TNS1: variants seen among roughly 807,000 people sequenced by gnomAD.
TNS1 encodes the protein tensin-1.
In TNS1, 62 loss-of-function variants were observed where a neutral mutation model predicts 168.6. The ratio of observed to expected loss-of-function variants is 0.37; its 90% CI spans 0.30 to 0.45. The LOEUF (loss-of-function observed/expected upper bound fraction) is 0.45. Ranked by LOEUF, TNS1 falls within the 20% of genes least tolerant of loss-of-function variation. The pLI is 1.00. For synonymous variants in TNS1, 934 were observed against 933.2 expected (o/e 1.00, Z -0.02); for missense variants, 2,240 against 2,339.4 (o/e 0.96, Z 0.88).
chr2:217,852,417 T>A (rs1423620404), intron 18 of TNS1, among the ~76,000 whole-genome samples: 1 of 152,198 alleles, frequency 6.6e-6, no homozygotes, highest in Non-Finnish European at 1.5e-5. Context: ...TTGTGCCTCC[T>A]CATCCCCCAC....
chr2:218,016,136 C>T (rs952849819), intron 1 of TNS1, among the ~76,000 whole-genome samples: 1 of 152,164 alleles, frequency 6.6e-6, no homozygotes, highest in Non-Finnish European at 1.5e-5. Flanking sequence ...ACCCCCACCC[C>T]CAGCCGCTCC....
At chr2:218,016,887 G>A (rs888767707) in intron 1 of TNS1, among the ~76,000 whole-genome samples, 2 of 152,186 alleles carry the variant, frequency 1.3e-5, no homozygotes, top group African/African-American at 4.8e-5. Context: ...AGGCTCCTGA[G>A]CATCCATAAA....
intron 19 of TNS1, 32 bp downstream of exon 19, chr2:217,847,478 G>T: frequency 7.2e-7 from 1 of 1,398,396 alleles, no homozygotes; most frequent in Non-Finnish European, 9.4e-7. Flanking sequence ...ATAAGGAAGG[G>T]GTAGAAGGAG....
intron 1 of TNS1, among the ~76,000 whole-genome samples, chr2:218,002,239 G>A (rs954935980): frequency 6.6e-5 from 10 of 152,286 alleles, no homozygotes; most frequent in African/African-American, 9.6e-5. Flanking sequence ...GGGGAAGAGC[G>A]GGCCATGGCT....
In TNS1 at chr2:217,995,008, A is replaced by G. The variant is rs1488209452; in HGVS notation, c.34-3952T>C. On this transcript the variant is annotated intron_variant, in intron 1 of 32. Transcript: ENST00000682258. The surrounding 1 kb of genome is among the most constrained non-coding windows in gnomAD (Gnocchi z 4.1). Reference sequence around the variant, plus strand: ...AGTTTGGACCAGACAGTCTGAGTGTAGAGAGAGGGGGAAATGACACAACAT... The same window carrying G: ...AGTTTGGACCAGACAGTCTGAGTGTGGAGAGAGGGGGAAATGACACAACAT... 6.6e-6 allele frequency among the ~76,000 whole-genome samples: 1 copy of G among 152,206 alleles called. No homozygotes were observed. Among genetic ancestry groups the G allele is most frequent in the Non-Finnish European group, 1.5e-5 (1 of 68,012 alleles).
At chr2:217,992,254 C>G (rs1018029098) in intron 1 of TNS1, 5 of 152,848 alleles carry the variant, frequency 3.3e-5, no homozygotes, top group African/African-American at 1.2e-4. Flanking sequence ...CAGCAGCTCC[C>G]TCTCTCCCCT....
Position 217,817,393 on chromosome 2 carries a change from A to G in TNS1, c.4642+297T>C, listed in dbSNP as rs539070509. On this transcript the variant is annotated intron_variant, in intron 24 of 32. Coordinates refer to ENST00000682258, the MANE Select transcript of TNS1 (RefSeq NM_001387777.1). The stretch of plus-strand genomic sequence containing the variant: ...GAGCCTGGCACACAGCATGTGCTCA[A>G]TGAGTGGTAATGGCTATGAGGACGA... Among the ~76,000 whole-genome samples the G allele has an allele frequency of 3.3e-5, 5 of 152,340 alleles. No individual in the cohort carries two copies. The South Asian group carries it at 1.0e-3, about 32-fold the overall frequency.
intron 18 of TNS1, among the ~76,000 whole-genome samples, chr2:217,864,892 T>C (rs989224991): frequency 6.6e-6 from 1 of 152,182 alleles, no homozygotes; most frequent in Non-Finnish European, 1.5e-5. Context: ...CTCCCAATAC[T>C]GTACGCAGTG....
chr2:217,911,679 T>C (rs1954425655), intron 4 of TNS1, among the ~76,000 whole-genome samples: 1 of 152,162 alleles, frequency 6.6e-6, no homozygotes, highest in African/African-American at 2.4e-5. Flanking sequence ...ACTGAGGGCC[T>C]GGGAGATGTA....
At position 217,804,378 on chromosome 2, in the gene TNS1, G is replaced by A; in HGVS notation, c.*81C>T. ...AATTGGCCCAAAGTCCTCCTTCTGG[G>A]TTCAAGAGTGGTCAGGATTCATGGG... On this transcript the variant is annotated 3_prime_UTR_variant, in exon 33 of 33. Transcript: ENST00000682258. The A allele has an allele frequency of 6.4e-7, 1 of 1,571,026 alleles. No homozygotes were observed. The highest frequency in any genetic ancestry group is 8.6e-7 in the Non-Finnish European group (1 of 1,156,296).
intron 3 of TNS1, among the ~76,000 whole-genome samples, chr2:217,969,886 T>C (rs1957736538): frequency 6.6e-6 from 1 of 152,228 alleles, no homozygotes; most frequent in Admixed American, 6.5e-5. Flanking sequence ...TCACAAAAGA[T>C]GTGCTGAAGT....
In TNS1 at chr2:217,910,631, G is replaced by C. The variant is rs3791925; in HGVS notation, c.229-3380C>G. On this transcript the variant is annotated intron_variant, in intron 4 of 32. Coordinates refer to ENST00000682258, the MANE Select transcript of TNS1 (RefSeq NM_001387777.1). ...CCTAATGAGTCCAGCTGGCACTCCC[G>C]GGACCCTCTGGAACCAAAGCCCCTG... 8.3e-3 allele frequency among the ~76,000 whole-genome samples: 1,256 copies of C among 151,412 alleles called. 46 individuals carry two copies. The East Asian group carries it at 0.09, about 11-fold the overall frequency.
chr2:217,809,893 T>C lies in TNS1; in HGVS notation c.5203A>G (p.Thr1735Ala), dbSNP rs764881368. Reference protein sequence around the residue: ...ATSETLAADPTPAATIVHFKV... With the variant: ...ATSETLAADPAPAATIVHFKV... ...AAGTGAACGATGGTGGCAGCTGGCG[T>C]GGGGTCTGCAGCCAACGTCTCAGAT... is the stretch of plus-strand genomic sequence containing the variant. Residue 1735 changes from threonine to alanine, a missense_variant, in exon 30 of 33, where the codon ACG becomes GCG. Coordinates refer to ENST00000682258, the MANE Select transcript of TNS1 (RefSeq NM_001387777.1). 2.2e-5 allele frequency: 35 copies of C among 1,613,462 alleles called. No individual in the cohort carries two copies. The highest frequency in any genetic ancestry group is 2.9e-5 in the Non-Finnish European group (34 of 1,179,682).
chr2:217,946,974 C>G (rs1401451912), intron 3 of TNS1, among the ~76,000 whole-genome samples: 2 of 150,558 alleles, frequency 1.3e-5, no homozygotes, highest in Admixed American at 1.3e-4. Context: ...CTCTCTCACA[C>G]ACACACACAC....
intron 3 of TNS1, among the ~76,000 whole-genome samples, chr2:217,969,725 T>G (rs1957732607): frequency 6.6e-6 from 1 of 152,256 alleles, no homozygotes; most frequent in Admixed American, 6.5e-5. Flanking sequence ...AAAACCATGA[T>G]GAGATACCAC....
chr2:217,965,781 A>G (rs1380804544), intron 3 of TNS1, among the ~76,000 whole-genome samples: 1 of 152,018 alleles, frequency 6.6e-6, no homozygotes, highest in Non-Finnish European at 1.5e-5. Context: ...AGACCCCCCG[A>G]GCTAGAAGCC....
intron 23 of TNS1, among the ~76,000 whole-genome samples, chr2:217,820,004 G>T (rs1253650715): frequency 2.0e-5 from 3 of 152,174 alleles, no homozygotes; most frequent in African/African-American, 7.2e-5. Context: ...AAGAGCCAAG[G>T]GCAAGGAGAA....
intron 6 of TNS1, among the ~76,000 whole-genome samples, chr2:217,903,322 T>C (rs896573110): frequency 2.6e-5 from 4 of 152,170 alleles, no homozygotes; most frequent in Non-Finnish European, 5.9e-5. Context: ...TCCGTCTCAT[T>C]TGTCCATCTG....
At chr2:217,893,649 C>T (rs1220398968) in intron 9 of TNS1, 88 bp from the exon 10 acceptor site, 1 of 1,495,894 alleles carries the variant, frequency 6.7e-7, no homozygotes, top group African/African-American at 1.4e-5. Flanking sequence ...CGTGCCAGTA[C>T]CTGGGCAGTG....
Sources: allele counts gnomAD v4.1 joint callset (sites outside exome capture counted in the v4.1 genomes callset), GRCh38; gene constraint gnomAD v4.1.1; non-coding constraint Gnocchi (gnomAD v3.1); transcripts MANE v1.5; gene names NCBI Gene and HGNC (gene_info 2026-07-23, HGNC 2026-07-21).